TIAM1: variants seen among roughly 807,000 people sequenced by gnomAD.
The protein encoded by TIAM1 is TIAM Rac1 associated GEF 1.
In TIAM1, 65 loss-of-function variants were observed where a neutral mutation model predicts 163.5. The observed-to-expected ratio is 0.40, with a 90% confidence interval of 0.33 to 0.49. The LOEUF is 0.49. TIAM1 is among the 20% of genes least tolerant of loss of function. The pLI is 0.77. For missense variants in TIAM1, 1,789 were observed against 2,044.7 expected (o/e 0.87, Z 2.41); for synonymous variants, 833 against 810.1 (o/e 1.03, Z -0.48).
chr21:31,257,668 T>C (rs147154931), intron 4 of TIAM1, among the ~76,000 whole-genome samples: 1,912 of 152,204 alleles, frequency 0.013, 36 homozygotes, highest in African/African-American at 0.044. Flanking sequence ...CCAGGAGCAA[T>C]GTGGAGGACT....
At chr21:31,233,049 T>C (rs1177381947) in intron 6 of TIAM1, among the ~76,000 whole-genome samples, 1 of 152,216 alleles carries the variant, frequency 6.6e-6, no homozygotes, top group Non-Finnish European at 1.5e-5. Flanking sequence ...TGTATTTAAA[T>C]AGATCCAGCT....
chr21:31,301,331 A>G (rs1247294756), intron 2 of TIAM1, among the ~76,000 whole-genome samples: 2 of 152,188 alleles, frequency 1.3e-5, no homozygotes, highest in African/African-American at 4.8e-5. Context: ...CCTGGGTTCA[A>G]TTTCTCATTC....
rs571796969 is a variant in TIAM1, at chr21:31,147,784, T to TA, written c.3367-782dup. ...AATATATTATATTAATATATTATAT[T>TA]AAAATATATATATATATATATGGCC... On this transcript the variant is annotated intron_variant, in intron 19 of 27. Coordinates refer to ENST00000541036, the MANE Select transcript of TIAM1 (RefSeq NM_001353694.2). Among the ~76,000 whole-genome samples, 943 of 132,948 alleles carry TA rather than the reference T, an allele frequency of 7.1e-3. 4 individuals are homozygous for TA. The highest frequency in any genetic ancestry group is 0.012 in the Non-Finnish European group (745 of 62,686). 87.2% of individuals were successfully genotyped at this position (132,948 alleles called of 152,430 possible). A position where few individuals can be genotyped will look rare whatever the true frequency, so the allele number is the denominator to read the frequency against.
At chr21:31,547,078 T>C (rs1436275057) in intron 1 of TIAM1, among the ~76,000 whole-genome samples, 2 of 152,190 alleles carry the variant, frequency 1.3e-5, no homozygotes, top group Non-Finnish European at 2.9e-5. Flanking sequence ...GATTCAGAAC[T>C]GCTGTATCAC....
At chr21:31,370,636 T>C (rs550647737) in intron 2 of TIAM1, among the ~76,000 whole-genome samples, 15 of 152,252 alleles carry the variant, frequency 9.9e-5, no homozygotes, top group African/African-American at 3.1e-4. Context: ...TTACCCACAA[T>C]AAAAAGGTTT....
chr21:31,471,111 G>A (rs1388371343), intron 1 of TIAM1, among the ~76,000 whole-genome samples: 1 of 152,216 alleles, frequency 6.6e-6, no homozygotes, highest in Non-Finnish European at 1.5e-5. Flanking sequence ...CCGGGCTGCT[G>A]AGAGTCTCCA....
chr21:31,158,999 T>C (rs2083765593), intron 16 of TIAM1, among the ~76,000 whole-genome samples: 1 of 151,814 alleles, frequency 6.6e-6, no homozygotes, highest in East Asian at 1.9e-4. Context: ...CTCAACACGC[T>C]CCCAAAAGCC....
chr21:31,426,288 T>C (rs542040417), intron 2 of TIAM1, among the ~76,000 whole-genome samples: 1 of 152,210 alleles, frequency 6.6e-6, no homozygotes, highest in South Asian at 2.1e-4. Flanking sequence ...TACATCACAT[T>C]CCTTACCCCA....
At chr21:31,547,207 A>C (rs1365787539) in intron 1 of TIAM1, among the ~76,000 whole-genome samples, 7 of 152,222 alleles carry the variant, frequency 4.6e-5, no homozygotes, top group Non-Finnish European at 1.0e-4. Context: ...ATGGGCAGTT[A>C]ACTGGGATCT....
chr21:31,233,596 T>C (rs373622412), intron 6 of TIAM1, among the ~76,000 whole-genome samples: 1 of 152,134 alleles, frequency 6.6e-6, no homozygotes, highest in African/African-American at 2.4e-5. Flanking sequence ...ACTAAGCTAC[T>C]TGGGAGGCTG....
chr21:31,272,682 T>G (rs2073113780), intron 3 of TIAM1, among the ~76,000 whole-genome samples: 1 of 152,206 alleles, frequency 6.6e-6, no homozygotes, highest in Non-Finnish European at 1.5e-5. Flanking sequence ...CTTAACTAAC[T>G]AACTGAATAT....
At chr21:31,223,367 A>C (rs774471219) in intron 8 of TIAM1, 39 bp downstream of exon 8, 1 of 1,566,780 alleles carries the variant, frequency 6.4e-7, no homozygotes, top group Non-Finnish European at 8.7e-7. Context: ...TTAAGCGTCA[A>C]GCTTAATGTT....
At chr21:31,340,261 G>A (rs1006245940) in intron 1 of TIAM1, among the ~76,000 whole-genome samples, 3 of 151,576 alleles carry the variant, frequency 2.0e-5, no homozygotes, top group Non-Finnish European at 4.4e-5. Flanking sequence ...TGTCAACTGA[G>A]AGACCCTAAG....
At chr21:31,270,745 G>T (rs576089252) in intron 3 of TIAM1, among the ~76,000 whole-genome samples, 2 of 152,132 alleles carry the variant, frequency 1.3e-5, no homozygotes, top group African/African-American at 4.8e-5. Context: ...TGGCTCATCC[G>T]TTATCGTTAG....
intron 1 of TIAM1, among the ~76,000 whole-genome samples, chr21:31,533,461 A>T (rs1167016558): frequency 6.6e-6 from 1 of 152,198 alleles, no homozygotes; most frequent in Non-Finnish European, 1.5e-5. Flanking sequence ...AACACAAAAA[A>T]TTATTCACGT....
chr21:31,211,301 T>C (rs1318933342), intron 10 of TIAM1, among the ~76,000 whole-genome samples: 1 of 152,154 alleles, frequency 6.6e-6, no homozygotes, highest in African/African-American at 2.4e-5. Context: ...ATAATGTTAC[T>C]TTCCTTAGAT....
chr21:31,171,205 C>T (rs897455762), intron 15 of TIAM1, among the ~76,000 whole-genome samples: 2 of 152,098 alleles, frequency 1.3e-5, no homozygotes, highest in African/African-American at 2.4e-5. Flanking sequence ...ACCTAACTCA[C>T]ACCATTCACA....
intron 5 of TIAM1, 74 bp downstream of exon 5, chr21:31,251,659 ACCCACCCAT>A: frequency 7.2e-7 from 1 of 1,396,124 alleles, no homozygotes; most frequent in Non-Finnish European, 9.7e-7. Context: ...ACAACAACAA[ACCCACCCAT>A]CCCGTGAGTA....
chr21:31,338,592 C>T (rs1042581135), intron 2 of TIAM1, among the ~76,000 whole-genome samples: 11 of 152,290 alleles, frequency 7.2e-5, no homozygotes, highest in Non-Finnish European at 1.5e-4. Context: ...GTACCCACAG[C>T]CCTTTCTGCT....
Sources: gnomAD v4.1 joint callset for allele counts (sites outside exome capture counted in the v4.1 genomes callset) on GRCh38, gnomAD v4.1.1 for gene constraint, MANE v1.5 for transcripts, NCBI Gene and HGNC (gene_info 2026-07-23, HGNC 2026-07-21) for gene names.